Variants in STK33 observed in about 807,000 individuals in gnomAD.
STK33 encodes serine/threonine-protein kinase 33.
Under a neutral mutation model 58.0 loss-of-function variants are expected in STK33, and 52 were observed. The observed-to-expected ratio is 0.90, with a 90% CI of 0.72 to 1.13. The LOEUF is 1.13. Among genes scored for constraint, STK33 ranks in the 50% most tolerant of loss-of-function variants. The pLI is 0.00. For synonymous variants in STK33, 215 were observed against 200.1 expected (o/e 1.07, Z -0.63); for missense variants, 630 against 604.2 (o/e 1.04, Z -0.45).
In STK33 at chr11:8,512,486, TA is replaced by T. The variant is rs1952417156; in HGVS notation, c.-465-31873del. Among the ~76,000 whole-genome samples, 8 of 152,150 alleles carry T rather than the reference TA, an allele frequency of 5.3e-5. 1 individual carries two copies. The South Asian group carries it at 1.7e-3, about 32-fold the overall frequency. On this transcript the variant is annotated intron_variant, in intron 1 of 15. Coordinates refer to ENST00000687296, the MANE Select transcript of STK33 (RefSeq NM_001352389.2). ...GAAGAGTCCATAAAGGGATTTCACTTAAAATTGGCAGAAGCTGGAAGGAAAA... is the reference window on the plus strand; with the variant it reads ...GAAGAGTCCATAAAGGGATTTCACTTAAATTGGCAGAAGCTGGAAGGAAAA...
At chr11:8,394,631 AAC>A in intron 15 of STK33, among the ~76,000 whole-genome samples, 1 of 152,342 alleles carries the variant, frequency 6.6e-6, no homozygotes. Context: ...AATACTCAGA[AAC>A]AGTCTCTGTG....
At chr11:8,568,747 C>T (rs1957609412) in intron 1 of STK33, among the ~76,000 whole-genome samples, 1 of 152,156 alleles carries the variant, frequency 6.6e-6, no homozygotes, top group Admixed American at 6.5e-5. Flanking sequence ...AAGATTGATT[C>T]TGATACTACA....
chr11:8,349,168 C>T, the STK33 span, among the ~76,000 whole-genome samples: 11 of 152,318 alleles, frequency 7.2e-5, no homozygotes, highest in Non-Finnish European at 1.0e-4. Flanking sequence ...GTTGACTTTG[C>T]CAAGACTCCA....
the STK33 span, among the ~76,000 whole-genome samples, chr11:8,337,494 T>C: frequency 6.6e-6 from 1 of 152,044 alleles, no homozygotes; most frequent in Non-Finnish European, 1.5e-5. Context: ...CCCACTGAAC[T>C]CAGCAACCCT....
intron 1 of STK33, among the ~76,000 whole-genome samples, chr11:8,548,633 T>C (rs1956105201): frequency 2.6e-5 from 4 of 152,224 alleles, no homozygotes; most frequent in Admixed American, 2.6e-4. Context: ...TTTTCTTCTA[T>C]TCTGTAAAGA....
At chr11:8,531,710 C>T (rs1291881043) in intron 1 of STK33, among the ~76,000 whole-genome samples, 1 of 152,194 alleles carries the variant, frequency 6.6e-6, no homozygotes, top group South Asian at 2.1e-4. Context: ...TTTTCTGAAC[C>T]AGCCTTGGAA....
chr11:8,397,237 A>C (rs1849521005), intron 15 of STK33, among the ~76,000 whole-genome samples: 1 of 152,226 alleles, frequency 6.6e-6, no homozygotes, highest in Non-Finnish European at 1.5e-5. Context: ...GACACCTCAC[A>C]CGGTCGGGTA....
chr11:8,571,174 A>G (rs1957782856), intron 1 of STK33, among the ~76,000 whole-genome samples: 1 of 152,192 alleles, frequency 6.6e-6, no homozygotes, highest in Non-Finnish European at 1.5e-5. Flanking sequence ...AGAGCTGCAC[A>G]AAAGACAGCT....
At chr11:8,521,646 A>G (rs566001462) in intron 1 of STK33, among the ~76,000 whole-genome samples, 1 of 152,336 alleles carries the variant, frequency 6.6e-6, no homozygotes, top group East Asian at 1.9e-4. Flanking sequence ...TAAACTAAAG[A>G]GCTTCTGCAC....
At chr11:8,572,040 T>C (rs866217805) in intron 1 of STK33, among the ~76,000 whole-genome samples, 2,079 of 12,888 alleles carry the variant, frequency 0.16, 561 homozygotes, top group African/African-American at 0.5. Flanking sequence ...AAAAAATAAA[T>C]TAATTAATTA....
chr11:8,469,100 A>C (rs1274939774), intron 6 of STK33, among the ~76,000 whole-genome samples: 1 of 152,234 alleles, frequency 6.6e-6, no homozygotes, highest in East Asian at 1.9e-4. Context: ...ATTTCTAAAA[A>C]TAAGACAACC....
chr11:8,555,568 G>A (rs908878004), intron 1 of STK33, among the ~76,000 whole-genome samples: 1 of 152,048 alleles, frequency 6.6e-6, no homozygotes, highest in Non-Finnish European at 1.5e-5. Context: ...GGGAGGCTGA[G>A]GTGAGAGAAT....
intron 1 of STK33, among the ~76,000 whole-genome samples, chr11:8,529,886 A>G (rs1954378100): frequency 6.6e-6 from 1 of 152,222 alleles, no homozygotes; most frequent in Non-Finnish European, 1.5e-5. Context: ...AAACAATAAG[A>G]TAATACATTC....
At chr11:8,456,330 G>A (rs1946858779) in intron 9 of STK33, among the ~76,000 whole-genome samples, 1 of 151,752 alleles carries the variant, frequency 6.6e-6, no homozygotes, top group Admixed American at 6.5e-5. Context: ...GCCAAATGAG[G>A]TAACTTAAAC....
intron 1 of STK33, among the ~76,000 whole-genome samples, chr11:8,531,062 G>C (rs1954502704): frequency 1.3e-5 from 2 of 151,886 alleles, no homozygotes; most frequent in African/African-American, 4.8e-5. Flanking sequence ...ACTAGGATAG[G>C]AACAATTAAA....
intron 12 of STK33, among the ~76,000 whole-genome samples, chr11:8,439,366 C>A (rs1251516254): frequency 6.6e-6 from 1 of 151,974 alleles, no homozygotes; most frequent in Non-Finnish European, 1.5e-5. Context: ...TAAAAGGGAA[C>A]AATGAATTCT....
chr11:8,540,593 A>G (rs554995143), intron 1 of STK33, among the ~76,000 whole-genome samples: 2 of 152,324 alleles, frequency 1.3e-5, no homozygotes, highest in Non-Finnish European at 2.9e-5. Flanking sequence ...CATTTGCTAC[A>G]AAACAAACCT....
At chr11:8,486,077 A>T (rs559800746) in intron 1 of STK33, among the ~76,000 whole-genome samples, 1 of 152,292 alleles carries the variant, frequency 6.6e-6, no homozygotes, top group Admixed American at 6.5e-5. Flanking sequence ...TTACTGCAAG[A>T]GTTTCCTAAC....
the STK33 span, among the ~76,000 whole-genome samples, chr11:8,368,783 T>TA: frequency 6.8e-6 from 1 of 146,162 alleles, no homozygotes; most frequent in Admixed American, 6.7e-5. Flanking sequence ...CAAAATAACT[T>TA]ACCGCATTTC....
Sources: allele counts gnomAD v4.1 joint callset (sites outside exome capture counted in the v4.1 genomes callset), GRCh38; gene constraint gnomAD v4.1.1; transcripts MANE v1.5; gene names NCBI Gene and HGNC (gene_info 2026-07-23, HGNC 2026-07-21).